The following GPR176 variants were observed in gnomAD, a reference collection of about 807,000 sequenced individuals.
GPR176 encodes the protein G-protein coupled receptor 176.
Under a neutral mutation model 35.4 loss-of-function variants are expected in GPR176, and 26 were observed. The observed-to-expected ratio is 0.74, with a 90% confidence interval of 0.54 to 1.02. The LOEUF is 1.02. Among genes scored for constraint, GPR176 ranks in the 50% least tolerant of loss-of-function variants. The pLI, the probability that GPR176 is intolerant of heterozygous loss-of-function variation, is 0.00. For missense variants in GPR176, 597 were observed against 665.3 expected, an observed-to-expected ratio of 0.90 and a Z score of 1.13; for synonymous variants, 278 against 271.3, an observed-to-expected ratio of 1.02 and a Z score of -0.24.
At chr15:39,896,288 C>A (rs1389031404) in intron 1 of GPR176, among the ~76,000 whole-genome samples, 2 of 151,846 alleles carry the variant, frequency 1.3e-5, no homozygotes, top group Admixed American at 6.6e-5. Context: ...CACAAAGTTT[C>A]CTAGACTAGT....
chr15:39,808,701 A>AGAGTTGGCACG (rs1899348128), intron 1 of GPR176, among the ~76,000 whole-genome samples: 1 of 152,230 alleles, frequency 6.6e-6, no homozygotes, highest in South Asian at 2.1e-4. Context: ...TATCTGGCAC[A>AGAGTTGGCACG]GAGTAGGCAT....
At chr15:39,894,910 G>A (rs920858011) in intron 1 of GPR176, among the ~76,000 whole-genome samples, 1 of 152,172 alleles carries the variant, frequency 6.6e-6, no homozygotes, top group Admixed American at 6.5e-5. Flanking sequence ...AGCGAGCCGA[G>A]ATCACGCCAC....
At position 39,895,085 on chromosome 15, in the gene GPR176, C is replaced by T. The variant is rs543542168; in HGVS notation, c.172+24770G>A. 2.4e-4 allele frequency among the ~76,000 whole-genome samples: 37 copies of T among 152,294 alleles called. No individual in the cohort carries two copies. The South Asian group carries it at 3.7e-3, about 15-fold the overall frequency. ...CTCCACCAAAACCAGTCAGGCGTGG[C>T]GGCGCCAGCCTGCAATCGCAGGTAC... On this transcript the variant is annotated intron_variant, in intron 1 of 2. Transcript: ENST00000561100.
At chr15:39,847,265 C>T (rs2030496290) in intron 1 of GPR176, among the ~76,000 whole-genome samples, 1 of 151,990 alleles carries the variant, frequency 6.6e-6, no homozygotes, top group African/African-American at 2.4e-5. Flanking sequence ...CAGACTTAAG[C>T]CCTAACATAT....
intron 1 of GPR176, among the ~76,000 whole-genome samples, chr15:39,866,882 A>C (rs2031853326): frequency 6.6e-6 from 1 of 152,150 alleles, no homozygotes; most frequent in Admixed American, 6.5e-5. Flanking sequence ...GAAAGCATAC[A>C]AAGGGGGAGC....
At chr15:39,881,689 T>G (rs17719391) in intron 1 of GPR176, among the ~76,000 whole-genome samples, 30,074 of 152,196 alleles carry the variant, frequency 0.2, 3,141 homozygotes, top group African/African-American at 0.22. Flanking sequence ...CTAATGTGTT[T>G]TGTTTTATCC....
chr15:39,801,217 TG>T lies in GPR176; in HGVS notation c.1462del (p.Gln488ArgfsTer7), dbSNP rs773419579. ...PLGNTPEELI[Q>X]TKVPKVGRVE... ...CCTGCCTACCTTGGGCACCTTTGTCTGGATCAGCTCTTCTGGGGTGTTGCCC... is the reference window on the plus strand; with the variant it reads ...CCTGCCTACCTTGGGCACCTTTGTCTGATCAGCTCTTCTGGGGTGTTGCCC... On this transcript the variant is annotated frameshift_variant, in exon 3 of 3. Coordinates refer to ENST00000561100, the MANE Select transcript of GPR176 (RefSeq NM_007223.3). LOFTEE classifies it high-confidence loss of function. 1 of 1,614,140 alleles carries T rather than the reference TG, an allele frequency of 6.2e-7. No individual in the cohort carries two copies. The highest frequency in any genetic ancestry group is 8.5e-7 in the Non-Finnish European group (1 of 1,179,954).
In GPR176 at chr15:39,913,001, T is replaced by A. The variant is rs1437074384; in HGVS notation, c.172+6854A>T. The stretch of plus-strand genomic sequence containing the variant: ...AAACACATGTCCACATAAAAACTTG[T>A]ACGTAAATATTCAGAGCAGCATTAT... On this transcript the variant is annotated intron_variant, in intron 1 of 2. Transcript: ENST00000561100. Among the ~76,000 whole-genome samples, 3 of 152,212 alleles carry A rather than the reference T, an allele frequency of 2.0e-5. No homozygotes were observed. In the East Asian group the frequency reaches 5.8e-4, roughly 29 times the overall value.
intron 1 of GPR176, among the ~76,000 whole-genome samples, chr15:39,808,925 T>G (rs1269856720): frequency 6.6e-6 from 1 of 152,194 alleles, no homozygotes; most frequent in East Asian, 1.9e-4. Flanking sequence ...AACCTGCAAC[T>G]GTAACAGGCA....
chr15:39,822,269 T>C (rs1371639748), intron 1 of GPR176, among the ~76,000 whole-genome samples: 1 of 152,212 alleles, frequency 6.6e-6, no homozygotes, highest in Non-Finnish European at 1.5e-5. Flanking sequence ...TATGAGATAA[T>C]AACTGTTGCT....
chr15:39,837,310 T>A (rs988024653), intron 1 of GPR176, among the ~76,000 whole-genome samples: 1 of 152,154 alleles, frequency 6.6e-6, no homozygotes. Flanking sequence ...ATTCTCTCTG[T>A]CCACTGCCTA....
At chr15:39,817,791 G>A (rs890281518) in intron 1 of GPR176, among the ~76,000 whole-genome samples, 6 of 152,228 alleles carry the variant, frequency 3.9e-5, no homozygotes, top group Admixed American at 1.3e-4. Flanking sequence ...TTCAAAAAAA[G>A]GCACTGTTAA....
intron 1 of GPR176, among the ~76,000 whole-genome samples, chr15:39,905,546 A>T (rs1448477789): frequency 6.6e-6 from 1 of 152,156 alleles, no homozygotes; most frequent in Non-Finnish European, 1.5e-5. Context: ...GTGAACCAAG[A>T]TCATGCCACT....
At chr15:39,862,709 G>A (rs915555266) in intron 1 of GPR176, among the ~76,000 whole-genome samples, 1 of 152,168 alleles carries the variant, frequency 6.6e-6, no homozygotes, top group African/African-American at 2.4e-5. Context: ...GAACAAACCT[G>A]CACTGCCATT....
intron 1 of GPR176, among the ~76,000 whole-genome samples, chr15:39,881,651 T>C (rs546832105): frequency 6.6e-6 from 1 of 152,340 alleles, no homozygotes; most frequent in Non-Finnish European, 1.5e-5. Context: ...TTACTCTCTG[T>C]TAATGAAATT....
intron 1 of GPR176, among the ~76,000 whole-genome samples, chr15:39,836,620 G>A (rs1198235773): frequency 6.6e-6 from 1 of 152,094 alleles, no homozygotes; most frequent in East Asian, 1.9e-4. Flanking sequence ...CCTTAATTTA[G>A]GCAGACTCTT....
At chr15:39,881,441 G>A (rs924432646) in intron 1 of GPR176, among the ~76,000 whole-genome samples, 15 of 152,138 alleles carry the variant, frequency 9.9e-5, no homozygotes, top group Admixed American at 4.6e-4. Context: ...GCAATCAATC[G>A]GTCAAGTGTC....
Position 39,835,562 on chromosome 15 carries a change from C to G in GPR176, c.173-28304G>C, listed in dbSNP as rs1273170923. The stretch of plus-strand genomic sequence containing the variant: ...TTTATAGCTCATTATTCCACCATCC[C>G]GAATACTGGGCCCCCATTCTCAGAG... On this transcript the variant is annotated intron_variant, in intron 1 of 2. Transcript: ENST00000561100. Among the ~76,000 whole-genome samples the G allele has an allele frequency of 2.0e-5, 3 of 152,038 alleles. No individual in the cohort carries two copies. The East Asian group carries it at 5.8e-4, about 29-fold the overall frequency.
At chr15:39,895,431 C>A (rs546428051) in intron 1 of GPR176, among the ~76,000 whole-genome samples, 4 of 152,256 alleles carry the variant, frequency 2.6e-5, no homozygotes, top group African/African-American at 7.2e-5. Flanking sequence ...AGTATAAATA[C>A]AATGAACAGT....
Sources: allele counts gnomAD v4.1 joint callset (sites outside exome capture counted in the v4.1 genomes callset), GRCh38; gene constraint gnomAD v4.1.1; transcripts MANE v1.5; gene names NCBI Gene and HGNC (gene_info 2026-07-23, HGNC 2026-07-21).